NOTCH2: variants seen among roughly 807,000 people sequenced by gnomAD.
NOTCH2 encodes the protein notch receptor 2.
In NOTCH2, 29 loss-of-function variants were observed where a neutral mutation model predicts 235.8. The ratio of observed to expected loss-of-function variants is 0.12; its 90% CI spans 0.09 to 0.17. The LOEUF is 0.17. NOTCH2 is among the 10% of genes least tolerant of loss of function. The pLI is 1.00. For synonymous variants in NOTCH2, 1,086 were observed against 1,141.5 expected (o/e 0.95, Z 0.98); for missense variants, 2,285 against 3,150.2 (o/e 0.73, Z 6.57).
chr1:120,068,962 G>A (rs1180481364), intron 1 of NOTCH2: 1 of 954,874 alleles, frequency 1.0e-6, no homozygotes, highest in Non-Finnish European at 1.5e-6. Context: ...GCCCCTCCGA[G>A]GCCCGCCGTC....
chr1:119,922,711 T>C lies in NOTCH2; in HGVS notation c.4927A>G (p.Thr1643Ala), dbSNP rs1318517829. The C allele has an allele frequency of 1.2e-6, 2 of 1,614,184 alleles. No homozygotes were observed. Among genetic ancestry groups the C allele is most frequent in the Non-Finnish European group, 1.7e-6 (2 of 1,180,030 alleles). ...VQDSDHCFKN[T>A]DAAAALLASH... ...GCCAGGAGAGCTGCTGCTGCATCCG[T>C]GTTCTTGAAGCAGTGGTCTGAGTCT... The change falls in exon 27 of 34, where the codon ACG becomes GCG. Residue 1643 changes from threonine (T) to alanine (A), a missense_variant. Physicochemically the swap from Thr to Ala is moderately conservative, Grantham distance 58 (BLOSUM62 0). Around this residue, in one of 6 missense-constraint regions of NOTCH2, gnomAD observed 1,173 missense variants for 1,515.3 expected, o/e 0.77. Transcript: ENST00000256646.
At chr1:119,959,563 GC>G in intron 11 of NOTCH2, 61 bp from the exon 12 acceptor site, 1 of 908,384 alleles carries the variant, frequency 1.1e-6, no homozygotes, top group Non-Finnish European at 1.8e-6. Context: ...AAGGCTTTCT[GC>G]TTGTGATGCA....
At chr1:119,977,890 A>G (rs1225373701) in intron 5 of NOTCH2, among the ~76,000 whole-genome samples, 2 of 152,220 alleles carry the variant, frequency 1.3e-5, no homozygotes, top group East Asian at 1.9e-4. Flanking sequence ...ACACACGCAC[A>G]CAAACACAAT....
intron 23 of NOTCH2, 138 bp from the exon 24 acceptor site, chr1:119,926,749 T>A: frequency 1.4e-6 from 1 of 718,892 alleles, no homozygotes. Flanking sequence ...TGTGGTAATC[T>A]GAGCATAGAA....
intron 14 of NOTCH2, among the ~76,000 whole-genome samples, chr1:119,951,984 T>C (rs1553197864): frequency 6.6e-6 from 1 of 152,230 alleles, no homozygotes; most frequent in Admixed American, 6.5e-5. Context: ...ATGGCTGAAA[T>C]ACAGTCTCAG....
intron 31 of NOTCH2, among the ~76,000 whole-genome samples, chr1:119,919,100 A>C (rs906226598): frequency 6.6e-6 from 1 of 152,202 alleles, no homozygotes; most frequent in Non-Finnish European, 1.5e-5. Flanking sequence ...TGTTGTCTGC[A>C]GTTGGCTCTA....
chr1:120,040,803 C>G (rs587607768), intron 1 of NOTCH2, among the ~76,000 whole-genome samples: 1 of 149,334 alleles, frequency 6.7e-6, no homozygotes, highest in Non-Finnish European at 1.5e-5. Flanking sequence ...TTTGGGAGGC[C>G]GAGGTGGGCG....
Position 119,915,824 on chromosome 1 carries a change from G to A in NOTCH2, c.6898C>T (p.Pro2300Ser), listed in dbSNP as rs765911576. 1.7e-5 allele frequency: 27 copies of A among 1,613,812 alleles called. No individual in the cohort carries two copies. The highest frequency in any genetic ancestry group is 3.3e-4 in the Middle Eastern group (2 of 6,082). Reference sequence around the variant, plus strand: ...TGGAAAGTCACAATGGGGGGCAAGGGCTCCCGAGGGGTGGTTATGTGCTTC... The same window carrying A: ...TGGAAAGTCACAATGGGGGGCAAGGACTCCCGAGGGGTGGTTATGTGCTTC... ...EGKHITTPRE[P>S]LPPIVTFQLI... is the part of the protein sequence containing the mutation. Residue 2300 changes from proline to serine, a missense_variant, in exon 34 of 34, where the codon CCC becomes TCC. Physicochemically the swap from Pro to Ser is moderately conservative, Grantham distance 74. This residue lies in a region of NOTCH2 where 504 missense variants were observed against 538.0 expected (regional missense o/e 0.94). Coordinates refer to ENST00000256646, the MANE Select transcript of NOTCH2 (RefSeq NM_024408.4).
At chr1:119,942,085 G>T (rs1650083352) in intron 17 of NOTCH2, among the ~76,000 whole-genome samples, 1 of 152,084 alleles carries the variant, frequency 6.6e-6, no homozygotes, top group Non-Finnish European at 1.5e-5. Context: ...TTTTCAAAAG[G>T]TATATGTGAT....
chr1:120,066,380 T>C (rs1655507210), intron 1 of NOTCH2, among the ~76,000 whole-genome samples: 1 of 147,940 alleles, frequency 6.8e-6, no homozygotes, highest in Non-Finnish European at 1.5e-5. Context: ...CTTATCAGAA[T>C]CCCTGGGTGC....
In NOTCH2 at chr1:120,069,650, A is replaced by C. The variant is rs1443054643; in HGVS notation, c.-244T>G. The C allele has an allele frequency of 1.0e-5, 14 of 1,373,504 alleles. No individual in the cohort carries two copies. Among genetic ancestry groups the C allele is most frequent in the Non-Finnish European group, 9.4e-6 (10 of 1,064,054 alleles). 85.1% of individuals were successfully genotyped at this position (1,373,504 alleles called of 1,614,324 possible). On this transcript the variant is annotated 5_prime_UTR_variant, in exon 1 of 34. Coordinates refer to ENST00000256646, the MANE Select transcript of NOTCH2 (RefSeq NM_024408.4). ...TTGGCTGAAACTTTCTCGGGTGTGCAACGAAGCAGCCTCGTGTGTCCTTCC... is the reference window on the plus strand; with the variant it reads ...TTGGCTGAAACTTTCTCGGGTGTGCCACGAAGCAGCCTCGTGTGTCCTTCC...
At chr1:119,966,757 C>T (rs912175808) in intron 8 of NOTCH2, among the ~76,000 whole-genome samples, 3 of 152,168 alleles carry the variant, frequency 2.0e-5, no homozygotes, top group Non-Finnish European at 2.9e-5. Flanking sequence ...AGGACTGCTC[C>T]ACATTTTCTG....
At chr1:119,999,177 C>T (rs1243181013) in intron 3 of NOTCH2, among the ~76,000 whole-genome samples, 13 of 148,824 alleles carry the variant, frequency 8.7e-5, no homozygotes, top group Admixed American at 2.0e-4. Flanking sequence ...TATAGCAGCA[C>T]GATTTATAAT....
At position 119,912,141 on chromosome 1, in the gene NOTCH2, T is replaced by A. The variant is rs970698082; in HGVS notation, c.*3165A>T. 3.9e-5 allele frequency: 9 copies of A among 233,438 alleles called. No homozygotes were observed. Among genetic ancestry groups the A allele is most frequent in the Non-Finnish European group, 5.1e-5 (6 of 117,976 alleles). 14.5% of individuals were successfully genotyped at this position (233,438 alleles called of 1,614,324 possible). A position where few individuals can be genotyped will look rare whatever the true frequency, so the allele number is the denominator to read the frequency against. ...CTACCTTTAGAATGAAACGGAAAAG[T>A]AAAAACAAAGTGTGCATTTTCCTTA... On this transcript the variant is annotated 3_prime_UTR_variant, in exon 34 of 34. Coordinates refer to ENST00000256646, the MANE Select transcript of NOTCH2 (RefSeq NM_024408.4).
At chr1:119,919,233 A>T in intron 31 of NOTCH2, 79 bp downstream of exon 31, 2 of 1,361,760 alleles carry the variant, frequency 1.5e-6, no homozygotes, top group South Asian at 2.3e-5. Context: ...ATTCAATGAG[A>T]TATTAATTCT....
At position 120,003,183 on chromosome 1, in the gene NOTCH2, C is replaced by T. The variant is rs587655544; in HGVS notation, c.415+2146G>A. ...ACATGAAAAAGCGAGACTGGCCTAG[C>T]CTCCCAGCCTACATCTTTTTCCCGT... On this transcript the variant is annotated intron_variant, in intron 3 of 33. Transcript: ENST00000256646. 7.9e-3 allele frequency among the ~76,000 whole-genome samples: 1,201 copies of T among 152,144 alleles called. 12 individuals are homozygous for T. Among genetic ancestry groups the T allele is most frequent in the African/African-American group, 0.026 (1,085 of 41,492 alleles).
chr1:120,000,328 G>A (rs1293765000), intron 3 of NOTCH2, among the ~76,000 whole-genome samples: 1 of 152,002 alleles, frequency 6.6e-6, no homozygotes, highest in Non-Finnish European at 1.5e-5. Context: ...GAGGTCAGGC[G>A]ATCCAGACCA....
At chr1:119,961,512 C>T (rs1553198968) in intron 11 of NOTCH2, among the ~76,000 whole-genome samples, 2 of 152,216 alleles carry the variant, frequency 1.3e-5, no homozygotes, top group African/African-American at 4.8e-5. Flanking sequence ...GACCTCTGGT[C>T]TACAAATGCC....
Position 119,926,500 on chromosome 1 carries a change from G to A in NOTCH2, c.4004C>T (p.Pro1335Leu), listed in dbSNP as rs746314617. 15 of 1,597,004 alleles carry A rather than the reference G, an allele frequency of 9.4e-6. No individual in the cohort carries two copies. The highest frequency in any genetic ancestry group is 5.6e-5 in the South Asian group (5 of 88,706). ...TTAGATGAGCAACAGGGCACTTACCGGGGGACAACGGCAAATGAAACCATC... is the reference window on the plus strand; with the variant it reads ...TTAGATGAGCAACAGGGCACTTACCAGGGGACAACGGCAAATGAAACCATC... ...MPDGFICRCP[P>L]GFSGARCQSS... The change falls in exon 24 of 34, where the codon CCG becomes CTG. Residue 1335 changes from proline (P) to leucine (L), a missense_variant and splice_region_variant. Pro to Leu is a moderately conservative substitution (Grantham distance 98). Coordinates refer to ENST00000256646, the MANE Select transcript of NOTCH2 (RefSeq NM_024408.4).
Sources: gnomAD v4.1 joint callset for allele counts (sites outside exome capture counted in the v4.1 genomes callset) on GRCh38, gnomAD v4.1.1 for gene constraint, gnomAD v4.1.1 regional missense constraint, MANE v1.5 for transcripts, NCBI Gene and HGNC (gene_info 2026-07-23, HGNC 2026-07-21) for gene names.